ANKRD1: variants seen among roughly 807,000 people sequenced by gnomAD.
The protein encoded by ANKRD1 is ankyrin repeat domain-containing protein 1.
A neutral mutation model predicts 40.1 loss-of-function variants in ANKRD1; 32 were observed. The ratio of observed to expected loss-of-function variants is 0.80; its 90% confidence interval spans 0.60 to 1.07. The LOEUF (loss-of-function observed/expected upper bound fraction) is 1.07, where lower values mean the gene tolerates loss of function less well. Among genes scored for constraint, ANKRD1 ranks in the 50% least tolerant of loss-of-function variants. The pLI is 0.00. For missense variants in ANKRD1, 359 were observed against 386.0 expected (o/e 0.93, Z 0.59); for synonymous variants, 149 against 141.2 (o/e 1.06, Z -0.39).
rs1183748395 is a variant in ANKRD1 at position 90,912,986 on chromosome 10, T to C, written c.850-10A>G. ...TCGGCGTCTTCCCAGCCTAATCAAA[T>C]GAGATAAGGAAAGTTGACTTTCAGG... On this transcript the variant is annotated splice_polypyrimidine_tract_variant and intron_variant, in intron 8 of 8. Coordinates refer to ENST00000371697, the MANE Select transcript of ANKRD1 (RefSeq NM_014391.3). 1 of 1,611,820 alleles carries C rather than the reference T, an allele frequency of 6.2e-7. No individual in the cohort carries two copies. Among genetic ancestry groups the C allele is most frequent in the African/African-American group, 1.3e-5 (1 of 74,854 alleles).
rs1298570927 is a variant in ANKRD1, at chr10:90,912,376, C to T, written c.*490G>A. The T allele has an allele frequency of 1.3e-5, 2 of 154,330 alleles. No individual in the cohort carries two copies. Among genetic ancestry groups the T allele is most frequent in the Non-Finnish European group, 2.8e-5 (2 of 70,200 alleles). 9.6% of individuals were successfully genotyped at this position (154,330 alleles called of 1,614,324 possible). On this transcript the variant is annotated 3_prime_UTR_variant, in exon 9 of 9. Transcript: ENST00000371697. ...ACTGTCCTTTTCACAGAATCACTTT[C>T]CTTCCATTGTTTCCTTTCCTGTCCC... is the stretch of plus-strand genomic sequence containing the variant.
At chr10:90,913,081 CAG>C (rs1847334987) in intron 8 of ANKRD1, 105 bp from the exon 9 acceptor site, 2 of 1,073,712 alleles carry the variant, frequency 1.9e-6, no homozygotes, top group Non-Finnish European at 2.9e-6. Flanking sequence ...TATGTTATAA[CAG>C]TGTTTTATGG....
Position 90,919,281 on chromosome 10 carries a change from T to C in ANKRD1, c.208-13A>G. The C allele has an allele frequency of 1.3e-6, 2 of 1,596,098 alleles. 1 individual carries two copies. Among genetic ancestry groups the C allele is most frequent in the South Asian group, 2.2e-5 (2 of 89,842 alleles). On this transcript the variant is annotated splice_polypyrimidine_tract_variant and intron_variant, in intron 2 of 8. Transcript: ENST00000371697. ...TTTTCTTTTTGAGCTAAAAAAGAAA[T>C]TCGTATTTCAAAAATATGGTGAGTT...
At chr10:90,918,499 G>A (rs1368537039) in intron 4 of ANKRD1, among the ~76,000 whole-genome samples, 4 of 151,802 alleles carry the variant, frequency 2.6e-5, no homozygotes, top group Non-Finnish European at 5.9e-5. Flanking sequence ...CCAATCTCCA[G>A]ATTTCTTATC....
Position 90,912,571 on chromosome 10 carries a change from G to C in ANKRD1, c.*295C>G, listed in dbSNP as rs547437668. ...TTAAGAACTACCTATGGGTGGGAAG[G>C]CTCTGAAAGTGTTATATACAAATGA... On this transcript the variant is annotated 3_prime_UTR_variant, in exon 9 of 9. Coordinates refer to ENST00000371697, the MANE Select transcript of ANKRD1 (RefSeq NM_014391.3). 8.2e-6 allele frequency: 3 copies of C among 367,186 alleles called. No homozygotes were observed. Among genetic ancestry groups the C allele is most frequent in the African/African-American group, 4.2e-5 (2 of 47,606 alleles). The allele number at this position is 367,186 out of a possible 1,614,324, so 22.7% of individuals were successfully genotyped here.
rs769103645 is a variant in ANKRD1 at position 90,917,804 on chromosome 10, T to C, written c.480A>G (p.Ala160=). The C allele has an allele frequency of 3.7e-6, 6 of 1,613,926 alleles. No homozygotes were observed. The African/African-American group carries it at 6.7e-5, about 18-fold the overall frequency. Residue 160 remains alanine, a synonymous_variant, in exon 5 of 9, where the codon GCA becomes GCG. Transcript: ENST00000371697. ...DEYKRTALHR[A]CLEGHLAIVE... ...CAATTGCCAAATGTCCTTCCAAGCA[T>C]GCTCTATGAAGAGCTGTCCGTTTAT...
chr10:90,916,400 G>A, intron 5 of ANKRD1, 131 bp from the exon 6 acceptor site: 2 of 723,850 alleles, frequency 2.8e-6, no homozygotes, highest in South Asian at 2.9e-5. Flanking sequence ...TGGAGTCGAA[G>A]GTTCTTACCA....
rs150266349 is a variant in ANKRD1, at chr10:90,918,869, T to A, written c.449A>T (p.Asp150Val). The A allele has an allele frequency of 5.3e-5, 85 of 1,608,594 alleles. No homozygotes were observed. The African/African-American group carries it at 1.0e-3, about 20-fold the overall frequency. The change falls in exon 4 of 9, where the codon GAT becomes GTT. Residue 150 changes from aspartate (D) to valine (V), a missense_variant. Transcript: ENST00000371697. The stretch of plus-strand genomic sequence containing the variant: ...AGTGCTTTGCATGAGTCTTACCTCA[T>A]CACAAACATCTGGATTGTTCTTGTC... Reference protein sequence around the residue: ...LSDKNNPDVCDEYKRTALHRA... With the variant: ...LSDKNNPDVCVEYKRTALHRA...
chr10:90,912,804 C>G lies in ANKRD1; in HGVS notation c.*62G>C. ...CTAGATTTTATGGCTAGTGTCTCTTCTCTTGGGCCATGCCTTCAAAATGCC... is the reference window on the plus strand; with the variant it reads ...CTAGATTTTATGGCTAGTGTCTCTTGTCTTGGGCCATGCCTTCAAAATGCC... On this transcript the variant is annotated 3_prime_UTR_variant, in exon 9 of 9. Transcript: ENST00000371697. 1.4e-6 allele frequency: 2 copies of G among 1,447,706 alleles called. No individual in the cohort carries two copies. The highest frequency in any genetic ancestry group is 1.9e-6 in the Non-Finnish European group (2 of 1,028,708). 89.7% of individuals were successfully genotyped at this position (1,447,706 alleles called of 1,614,324 possible). A position where few individuals can be genotyped will look rare whatever the true frequency, so the allele number is the denominator to read the frequency against.
Position 90,915,603 on chromosome 10 carries a change from G to T in ANKRD1, c.789C>A (p.Asn263Lys). ...TCAGGAGTCGGATCATCTTATAGCG[G>T]TTCAGTCTCACCGCATCATGCAACG... ...DTPLHDAVRL[N>K]RYKMIRLLIM... Residue 263 changes from asparagine to lysine, a missense_variant, in exon 8 of 9, where the codon AAC (asparagine) becomes AAA (lysine). Asn to Lys is a moderately conservative substitution (Grantham distance 94). Transcript: ENST00000371697. The T allele has an allele frequency of 1.2e-6, 2 of 1,614,040 alleles. No individual in the cohort carries two copies. The highest frequency in any genetic ancestry group is 1.7e-6 in the Non-Finnish European group (2 of 1,179,990).
chr10:90,919,385 CAT>C (rs1847410050), intron 2 of ANKRD1, 117 bp from the exon 3 acceptor site: 1 of 864,578 alleles, frequency 1.2e-6, no homozygotes, highest in African/African-American at 1.7e-5. Context: ...TGAGCAAAAA[CAT>C]TTTTTAAAAA....
At chr10:90,920,699 C>T (rs754602810) in intron 1 of ANKRD1, among the ~76,000 whole-genome samples, 16 of 152,258 alleles carry the variant, frequency 1.1e-4, no homozygotes, top group African/African-American at 2.6e-4. Context: ...GTAAAGTTTC[C>T]GGGCTTACAT....
intron 5 of ANKRD1, among the ~76,000 whole-genome samples, 165 bp from the exon 6 acceptor site, chr10:90,916,434 G>A (rs890323156): frequency 6.6e-6 from 1 of 151,536 alleles, no homozygotes; most frequent in East Asian, 1.9e-4. Context: ...AATTACATGT[G>A]TGTGTGTGTG....
chr10:90,912,651 G>A lies in ANKRD1; in HGVS notation c.*215C>T, dbSNP rs1453050200. The A allele has an allele frequency of 4.0e-6, 2 of 499,038 alleles. No individual in the cohort carries two copies. The highest frequency in any genetic ancestry group is 3.6e-6 in the Non-Finnish European group (1 of 274,868). 30.9% of individuals were successfully genotyped at this position (499,038 alleles called of 1,614,324 possible). ...AGGTCTGAATATCAGTAGCGTGGCA[G>A]TAAATAAATAAACAGGAATACATAA... On this transcript the variant is annotated 3_prime_UTR_variant, in exon 9 of 9. Coordinates refer to ENST00000371697, the MANE Select transcript of ANKRD1 (RefSeq NM_014391.3).
In ANKRD1 at chr10:90,912,156, A is replaced by G. The variant is rs1443908491; in HGVS notation, c.*710T>C. On this transcript the variant is annotated 3_prime_UTR_variant, in exon 9 of 9. Coordinates refer to ENST00000371697, the MANE Select transcript of ANKRD1 (RefSeq NM_014391.3). ...TGTACATACAATACAATATACATTT[A>G]TACATTTACAGTTTGCATTTCCTTT... 6.6e-6 allele frequency: 1 copy of G among 152,180 alleles called. No homozygotes were observed. The highest frequency in any genetic ancestry group is 1.9e-4 in the East Asian group (1 of 5,190). The allele number at this position is 152,180 out of a possible 1,614,324, so 9.4% of individuals were successfully genotyped here.
intron 8 of ANKRD1, among the ~76,000 whole-genome samples, chr10:90,913,830 C>G (rs1367832276): frequency 2.6e-5 from 4 of 151,950 alleles, no homozygotes; most frequent in Admixed American, 6.6e-5. Flanking sequence ...AGTTGGAAAC[C>G]AAGAGCTGGA....
In ANKRD1 at chr10:90,912,830, A is replaced by T. The variant is rs369311387; in HGVS notation, c.*36T>A. On this transcript the variant is annotated 3_prime_UTR_variant, in exon 9 of 9. Transcript: ENST00000371697. Reference sequence around the variant, plus strand: ...TCTTGGGCCATGCCTTCAAAATGCCAGTGAACATTTACTGATTAAGAGTCT... The same window carrying T: ...TCTTGGGCCATGCCTTCAAAATGCCTGTGAACATTTACTGATTAAGAGTCT... The T allele has an allele frequency of 2.5e-6, 4 of 1,579,666 alleles. No individual in the cohort carries two copies. The highest frequency in any genetic ancestry group is 3.5e-6 in the Non-Finnish European group (4 of 1,148,768).
rs1487509717 is a variant in ANKRD1 at position 90,914,424 on chromosome 10, G to T, written c.849+1119C>A. On this transcript the variant is annotated intron_variant, in intron 8 of 8. Transcript: ENST00000371697. ...ACCTGTATGCTATTTGTCTCTGCTG[G>T]TAGTGTCTCACTGCCTGAAAAAAAA... 4.6e-5 allele frequency among the ~76,000 whole-genome samples: 7 copies of T among 151,670 alleles called. No homozygotes were observed. In the South Asian group the frequency reaches 1.0e-3, roughly 23 times the overall value.
intron 8 of ANKRD1, among the ~76,000 whole-genome samples, chr10:90,914,720 T>TC (rs55919759): frequency 0.05 from 3,978 of 79,536 alleles, 106 homozygotes; most frequent in African/African-American, 0.084. Context: ...TGAGTTTCCC[T>TC]CCCCCCCCCC....
Sources: allele counts gnomAD v4.1 joint callset (sites outside exome capture counted in the v4.1 genomes callset), GRCh38; gene constraint gnomAD v4.1.1; transcripts MANE v1.5; gene names NCBI Gene and HGNC (gene_info 2026-07-23, HGNC 2026-07-21).